NFASC: variants seen among roughly 807,000 people sequenced by gnomAD.
NFASC encodes the protein neurofascin, also known as neurofascin homolog.
NFASC carries 43 observed loss-of-function variants against 147.5 expected under a neutral mutation model. That is an observed-to-expected ratio of 0.29 (90% CI 0.23 to 0.38). The LOEUF (loss-of-function observed/expected upper bound fraction) is 0.38. Among genes scored for constraint, NFASC ranks in the 10% least tolerant of loss-of-function variants. The probability of loss-of-function intolerance (pLI) is 1.00; values close to 1 mark genes in which losing one functional copy is unlikely to be tolerated. For missense variants in NFASC, 1,320 were observed against 1,689.0 expected (o/e 0.78, Z 3.83); for synonymous variants, 622 against 665.5 (o/e 0.93, Z 1.01).
rs771183209 is a variant in NFASC at position 204,954,330 on chromosome 1, G to T, written c.358G>T (p.Ala120Ser). The T allele has an allele frequency of 2.5e-6, 4 of 1,614,122 alleles. No individual in the cohort carries two copies. Among genetic ancestry groups the T allele is most frequent in the Non-Finnish European group, 3.4e-6 (4 of 1,180,016 alleles). ...EEYEGEYQCF[A>S]RNKFGTALSN... ...ATATGAGGGGGAATATCAGTGCTTCGCCCGCAACAAATTTGGCACGGCCCT... is the reference window on the plus strand; with the variant it reads ...ATATGAGGGGGAATATCAGTGCTTCTCCCGCAACAAATTTGGCACGGCCCT... The change falls in exon 6 of 30, where the codon GCC becomes TCC. Residue 120 changes from alanine (A) to serine (S), a missense_variant. Physicochemically the swap from Ala to Ser is moderately conservative, Grantham distance 99 (BLOSUM62 1). Coordinates refer to ENST00000339876, the MANE Select transcript of NFASC (RefSeq NM_001005388.3). The surrounding 1 kb of genome is among the most constrained non-coding windows in gnomAD (Gnocchi z 5.7).
chr1:204,919,985 G>T (rs2090122250), intron 1 of NFASC, among the ~76,000 whole-genome samples: 1 of 152,160 alleles, frequency 6.6e-6, no homozygotes, highest in Non-Finnish European at 1.5e-5. Context: ...ACCAAGAAAG[G>T]TTATATGATT....
intron 21 of NFASC, 29 bp downstream of exon 21, chr1:204,982,049 C>T (rs1183521440): frequency 6.9e-7 from 1 of 1,448,324 alleles, no homozygotes; most frequent in South Asian, 1.4e-5. Context: ...GTCCCCCCAT[C>T]AGGACCCTTG....
chr1:204,872,278 C>G (rs1209486169), intron 1 of NFASC, among the ~76,000 whole-genome samples: 1 of 152,224 alleles, frequency 6.6e-6, no homozygotes, highest in Non-Finnish European at 1.5e-5. Flanking sequence ...CATCCCAGGC[C>G]TGAGTGCCGC....
intron 1 of NFASC, among the ~76,000 whole-genome samples, chr1:204,872,160 C>G (rs1026687958): frequency 6.6e-6 from 1 of 152,222 alleles, no homozygotes; most frequent in Non-Finnish European, 1.5e-5. Context: ...ATTCAACCTT[C>G]CCAGAGGCAG....
At chr1:204,972,158 G>A (rs764861887) in intron 11 of NFASC, among the ~76,000 whole-genome samples, 25 of 152,164 alleles carry the variant, frequency 1.6e-4, no homozygotes, top group Non-Finnish European at 3.2e-4. Context: ...CTGGGCTCAG[G>A]CTGGCTATCT....
intron 1 of NFASC, among the ~76,000 whole-genome samples, chr1:204,854,861 C>G (rs1469476508): frequency 6.6e-6 from 1 of 152,238 alleles, no homozygotes; most frequent in Non-Finnish European, 1.5e-5. Context: ...AGCTGCTTCT[C>G]CAGACCCAAT....
In NFASC at chr1:204,979,388, C is replaced by T; in HGVS notation, c.2005C>T (p.Gln669Ter). ...CTACGTCGTCCAGTTTGAAGAAGACCAGTTCCAACCTGGGGTCTGGCATGA... is the reference window on the plus strand; with the variant it reads ...CTACGTCGTCCAGTTTGAAGAAGACTAGTTCCAACCTGGGGTCTGGCATGA... ...TDYVVQFEED[Q>*]FQPGVWHDHS... The change falls in exon 19 of 30, where the codon CAG becomes TAG. Residue 669 changes from glutamine to a stop codon, truncating the protein, a stop_gained. Transcript: ENST00000339876. LOFTEE classifies it high-confidence loss of function. The surrounding 1 kb of genome is among the most constrained non-coding windows in gnomAD (Gnocchi z 6.0). 1 of 1,614,188 alleles carries T rather than the reference C, an allele frequency of 6.2e-7. No individual in the cohort carries two copies.
At chr1:204,995,320 GT>G in intron 24 of NFASC, among the ~76,000 whole-genome samples, 1 of 19,968 alleles carries the variant, frequency 5.0e-5, no homozygotes, top group Non-Finnish European at 1.4e-4. Flanking sequence ...TGCACAGTGT[GT>G]GTGTGTGTGT....
At chr1:204,892,103 G>A (rs2082518524) in intron 1 of NFASC, among the ~76,000 whole-genome samples, 1 of 152,204 alleles carries the variant, frequency 6.6e-6, no homozygotes, top group East Asian at 1.9e-4. Context: ...TTAATCACAG[G>A]AAGGTGGCTC....
rs72751495 is a variant in NFASC at position 204,973,711 on chromosome 1, C to T, written c.1279+292C>T. ...GAGCAGACAGTTAATTCCATCAGAG[C>T]AGTCAATCTTAGTCTTCTCCCTCCC... On this transcript the variant is annotated intron_variant, in intron 12 of 29. Coordinates refer to ENST00000339876, the MANE Select transcript of NFASC (RefSeq NM_001005388.3). 5.4e-3 allele frequency among the ~76,000 whole-genome samples: 829 copies of T among 152,278 alleles called. 12 individuals are homozygous for T. Among genetic ancestry groups the T allele is most frequent in the South Asian group, 1.0e-2 (48 of 4,824 alleles).
intron 1 of NFASC, among the ~76,000 whole-genome samples, chr1:204,831,056 C>G (rs1019269817): frequency 4.6e-5 from 7 of 152,100 alleles, no homozygotes. Flanking sequence ...CTAAGGGCTG[C>G]CAGCTTTTCC....
At position 204,986,245 on chromosome 1, in the gene NFASC, G is replaced by A; in HGVS notation, c.2471-1173G>A. Reference sequence around the variant, plus strand: ...TTCTGCGAGGCCTCCAGGAGCGGATGACCTGCAAGCCGAGCCACTACAGCC... The same window carrying A: ...TTCTGCGAGGCCTCCAGGAGCGGATAACCTGCAAGCCGAGCCACTACAGCC... On this transcript the variant is annotated intron_variant, in intron 21 of 29. Coordinates refer to ENST00000339876, the MANE Select transcript of NFASC (RefSeq NM_001005388.3). This position sits in a 1 kb window ranked among gnomAD's most constrained non-coding sequence, Gnocchi z 4.2. 1.5e-6 allele frequency: 1 copy of A among 671,812 alleles called. No homozygotes were observed. Among genetic ancestry groups the A allele is most frequent in the Non-Finnish European group, 2.6e-6 (1 of 380,444 alleles). The allele number at this position is 671,812 out of a possible 1,614,324, so 41.6% of individuals were successfully genotyped here.
chr1:205,011,206 G>GCCCC (rs1574497075), intron 28 of NFASC, among the ~76,000 whole-genome samples: 5 of 92,552 alleles, frequency 5.4e-5, no homozygotes, highest in Admixed American at 9.4e-5. Flanking sequence ...CCTCCCCCAG[G>GCCCC]ACCCCCCCCA....
At chr1:205,003,231 T>G (rs2096031869) in intron 27 of NFASC, among the ~76,000 whole-genome samples, 1 of 152,200 alleles carries the variant, frequency 6.6e-6, no homozygotes, top group South Asian at 2.1e-4. Flanking sequence ...CCATCATCTA[T>G]TGTTAAAAAT....
Position 204,968,702 on chromosome 1 carries a change from G to A in NFASC, c.819-96G>A, listed in dbSNP as rs533027092. On this transcript the variant is annotated intron_variant, in intron 9 of 29. Transcript: ENST00000339876. The surrounding 1 kb of genome is among the most constrained non-coding windows in gnomAD (Gnocchi z 5.4). Reference sequence around the variant, plus strand: ...AGGACATGCATCCTCCTGGGCCCAAGTATACTTTTAGGCCACCTGGGTGTC... The same window carrying A: ...AGGACATGCATCCTCCTGGGCCCAAATATACTTTTAGGCCACCTGGGTGTC... 5 of 1,126,226 alleles carry A rather than the reference G, an allele frequency of 4.4e-6. No homozygotes were observed. In the South Asian group the frequency reaches 7.9e-5, roughly 18 times the overall value. 69.8% of individuals were successfully genotyped at this position (1,126,226 alleles called of 1,614,324 possible).
Position 204,852,225 on chromosome 1 carries a change from G to A in NFASC, c.-200+23443G>A, listed in dbSNP as rs149891513. 1.5e-3 allele frequency among the ~76,000 whole-genome samples: 235 copies of A among 152,342 alleles called. 1 individual carries two copies. The highest frequency in any genetic ancestry group is 5.4e-3 in the African/African-American group (224 of 41,580). ...AATAGAAAGTGGAGTAAGGCTTGGC[G>A]TGGTAGCTCATGCCTGTAATCTCAG... On this transcript the variant is annotated intron_variant, in intron 1 of 29. Coordinates refer to ENST00000339876, the MANE Select transcript of NFASC (RefSeq NM_001005388.3).
intron 7 of NFASC, 60 bp downstream of exon 7, chr1:204,955,011 T>G: frequency 2.6e-6 from 4 of 1,566,564 alleles, no homozygotes; most frequent in South Asian, 1.1e-5. Context: ...GGGGTGGGTG[T>G]GTTAAGTGGG....
chr1:204,934,833 T>C (rs1361881563), intron 2 of NFASC, among the ~76,000 whole-genome samples: 1 of 152,192 alleles, frequency 6.6e-6, no homozygotes, highest in Non-Finnish European at 1.5e-5. Context: ...GTAGGATTGC[T>C]CTGAGAAAGG....
intron 1 of NFASC, among the ~76,000 whole-genome samples, chr1:204,916,949 G>C (rs1345853827): frequency 6.6e-6 from 1 of 152,148 alleles, no homozygotes; most frequent in Non-Finnish European, 1.5e-5. Flanking sequence ...GGGCACGGTG[G>C]CACATGCCTA....
Sources: gnomAD v4.1 joint callset for allele counts (sites outside exome capture counted in the v4.1 genomes callset) on GRCh38, gnomAD v4.1.1 for gene constraint, Gnocchi (gnomAD v3.1) non-coding constraint, MANE v1.5 for transcripts, NCBI Gene and HGNC (gene_info 2026-07-23, HGNC 2026-07-21) for gene names.